The following USP15 variants were observed in gnomAD, a reference collection of about 807,000 sequenced individuals.
USP15 encodes the protein ubiquitin specific peptidase 15.
USP15 carries 18 observed loss-of-function variants against 127.1 expected under a neutral mutation model. The observed-to-expected ratio is 0.14, with a 90% confidence interval of 0.10 to 0.21. USP15 has a LOEUF of 0.21. Among genes scored for constraint, USP15 ranks in the 10% least tolerant of loss-of-function variants. The pLI, the probability that USP15 is intolerant of heterozygous loss-of-function variation, is 1.00. For missense variants in USP15, 805 were observed against 1,159.9 expected (o/e 0.69, Z 4.44); for synonymous variants, 364 against 393.7 (o/e 0.92, Z 0.89).
intron 2 of USP15, among the ~76,000 whole-genome samples, chr12:62,300,645 A>G (rs1239409005): frequency 6.6e-6 from 1 of 152,160 alleles, no homozygotes; most frequent in Non-Finnish European, 1.5e-5. Flanking sequence ...GTAAAAGAGG[A>G]ATTCACTGGC....
Position 62,396,282 on chromosome 12 carries a change from CT to C in USP15, c.2571-7del. ...GACAACATAAAAATTAACTTGGTTT[CT>C]TTTTTAAACAGTGACTTGGATATGT... On this transcript the variant is annotated splice_polypyrimidine_tract_variant and intron_variant, in intron 19 of 21. Coordinates refer to ENST00000280377, the MANE Select transcript of USP15 (RefSeq NM_001252078.2). 6.4e-7 allele frequency: 1 copy of C among 1,552,826 alleles called. No homozygotes were observed. The highest frequency in any genetic ancestry group is 8.7e-7 in the Non-Finnish European group (1 of 1,153,622).
chr12:62,355,825 C>CTTT (rs201572809), intron 8 of USP15, among the ~76,000 whole-genome samples: 8 of 124,400 alleles, frequency 6.4e-5, no homozygotes, highest in African/African-American at 1.5e-4. Flanking sequence ...CTTTTTTTTT[C>CTTT]TTTTTTTTTT....
intron 1 of USP15, among the ~76,000 whole-genome samples, chr12:62,272,192 T>A (rs1170871792): frequency 6.6e-6 from 1 of 151,846 alleles, no homozygotes; most frequent in Non-Finnish European, 1.5e-5. Context: ...AGAGAATTAG[T>A]CATAAGAGTG....
intron 8 of USP15, among the ~76,000 whole-genome samples, chr12:62,360,048 G>C (rs1027355417): frequency 2.6e-5 from 4 of 152,092 alleles, no homozygotes; most frequent in Non-Finnish European, 5.9e-5. Flanking sequence ...TTCAACCCTT[G>C]TCTTTTTCAT....
At chr12:62,397,532 C>T (rs1052229175) in intron 20 of USP15, among the ~76,000 whole-genome samples, 3 of 151,738 alleles carry the variant, frequency 2.0e-5, no homozygotes, top group African/African-American at 4.8e-5. Flanking sequence ...CTATTTTTGT[C>T]CTTTTTTCAT....
chr12:62,387,764 G>C (rs2067199865), intron 11 of USP15, among the ~76,000 whole-genome samples: 2 of 152,208 alleles, frequency 1.3e-5, no homozygotes, highest in Admixed American at 1.3e-4. Flanking sequence ...GAGATAATTA[G>C]AGGGAAAGCA....
At chr12:62,264,530 A>G (rs538929045) in intron 1 of USP15, among the ~76,000 whole-genome samples, 15 of 152,348 alleles carry the variant, frequency 9.8e-5, no homozygotes, top group Admixed American at 2.6e-4. Flanking sequence ...TTTACAGAGT[A>G]AGTAATTTGT....
intron 6 of USP15, among the ~76,000 whole-genome samples, chr12:62,332,466 G>A (rs1414114390): frequency 2.0e-5 from 3 of 151,866 alleles, no homozygotes; most frequent in African/African-American, 4.8e-5. Context: ...TATTGCAGAC[G>A]TGTAGCTAGT....
intron 7 of USP15, among the ~76,000 whole-genome samples, chr12:62,351,297 A>C (rs1224775565): frequency 2.0e-5 from 3 of 151,578 alleles, no homozygotes; most frequent in Non-Finnish European, 4.4e-5. Flanking sequence ...AGGCCAAAAA[A>C]AAAGAGTGAA....
chr12:62,357,492 A>G (rs2066168691), intron 8 of USP15, among the ~76,000 whole-genome samples: 1 of 152,032 alleles, frequency 6.6e-6, no homozygotes. Context: ...TTTTACCATC[A>G]CGTATTCCAT....
At chr12:62,327,783 G>A (rs2065171782) in intron 6 of USP15, 1 of 348,538 alleles carries the variant, frequency 2.9e-6, no homozygotes, top group Admixed American at 4.4e-5. Context: ...GAATACAGGT[G>A]CTGTACTAGA....
rs1171963527 is a variant in USP15, at chr12:62,412,490, TGGAGTTAA to T, written c.*8116_*8123del. On this transcript the variant is annotated 3_prime_UTR_variant, in exon 22 of 22. Transcript: ENST00000280377. ...CTTCTTTCCGAACTTCTTTCACAAT[TGGAGTTAA>T]TCTTCTAAAGCCCCGCCACTGCTTC... The T allele has an allele frequency of 6.5e-6, 1 of 154,476 alleles. No individual in the cohort carries two copies. The highest frequency in any genetic ancestry group is 1.4e-5 in the Non-Finnish European group (1 of 69,774). The allele number at this position is 154,476 out of a possible 1,614,324, so 9.6% of individuals were successfully genotyped here.
At chr12:62,261,984 A>C (rs2063077559) in intron 1 of USP15, among the ~76,000 whole-genome samples, 1 of 152,154 alleles carries the variant, frequency 6.6e-6, no homozygotes, top group South Asian at 2.1e-4. Flanking sequence ...TCACGCCTGT[A>C]ACCCAGCACT....
intron 3 of USP15, among the ~76,000 whole-genome samples, chr12:62,311,297 T>G (rs1010534499): frequency 4.0e-5 from 6 of 151,858 alleles, no homozygotes; most frequent in Admixed American, 2.6e-4. Flanking sequence ...AAAGAAGACT[T>G]AATGAATTAA....
intron 19 of USP15, among the ~76,000 whole-genome samples, chr12:62,395,669 T>C (rs567449411): frequency 6.6e-6 from 1 of 152,014 alleles, no homozygotes; most frequent in East Asian, 1.9e-4. Context: ...TGTCATCCTC[T>C]AGTAATCATC....
intron 4 of USP15, among the ~76,000 whole-genome samples, chr12:62,316,168 C>G (rs1207950083): frequency 6.6e-6 from 1 of 151,812 alleles, no homozygotes; most frequent in Non-Finnish European, 1.5e-5. Flanking sequence ...CGCCTGTAGT[C>G]CCAGCTACTT....
intron 1 of USP15, among the ~76,000 whole-genome samples, chr12:62,275,996 G>C (rs1367084652): frequency 6.6e-6 from 1 of 152,062 alleles, no homozygotes; most frequent in Non-Finnish European, 1.5e-5. Context: ...GAAAACCATA[G>C]GTCTTCAGTC....
intron 20 of USP15, among the ~76,000 whole-genome samples, chr12:62,398,557 AAT>A (rs1176045247): frequency 6.6e-6 from 1 of 152,160 alleles, no homozygotes; most frequent in Non-Finnish European, 1.5e-5. Context: ...TAATTAGCAC[AAT>A]GTCATTTAAT....
chr12:62,336,086 T>C, intron 6 of USP15: 1 of 985,434 alleles, frequency 1.0e-6, no homozygotes, highest in Non-Finnish European at 1.2e-6. Flanking sequence ...TTGCAGCAGC[T>C]CTACTCAGAC....
Sources: allele counts gnomAD v4.1 joint callset (sites outside exome capture counted in the v4.1 genomes callset), GRCh38; gene constraint gnomAD v4.1.1; transcripts MANE v1.5; gene names NCBI Gene and HGNC (gene_info 2026-07-23, HGNC 2026-07-21).